GPHN: variants seen among roughly 807,000 people sequenced by gnomAD.
The protein encoded by GPHN is gephyrin.
GPHN carries 17 observed loss-of-function variants against 95.5 expected under a neutral mutation model. The ratio of observed to expected loss-of-function variants is 0.18; its 90% CI spans 0.12 to 0.27. The LOEUF (loss-of-function observed/expected upper bound fraction) is 0.27. Ranked by LOEUF, GPHN falls within the 10% of genes least tolerant of loss-of-function variation. GPHN has a pLI of 1.00. For missense variants in GPHN, 660 were observed against 978.1 expected (o/e 0.67, Z 4.34); for synonymous variants, 320 against 322.5 (o/e 0.99, Z 0.08).
At chr14:66,783,561 A>T (rs1350175554) in intron 3 of GPHN, among the ~76,000 whole-genome samples, 1 of 152,140 alleles carries the variant, frequency 6.6e-6, no homozygotes, top group African/African-American at 2.4e-5. Context: ...TTCCCACGTA[A>T]GTGAGGCCTG....
chr14:67,650,326 T>C, the GPHN span: 1 of 248,822 alleles, frequency 4.0e-6, no homozygotes, highest in African/African-American at 2.3e-5. Flanking sequence ...ACTTGATTCA[T>C]TTCCAGGCAG....
At chr14:66,815,020 C>T (rs544694497) in intron 3 of GPHN, among the ~76,000 whole-genome samples, 1 of 152,062 alleles carries the variant, frequency 6.6e-6, no homozygotes, top group African/African-American at 2.4e-5. Flanking sequence ...AATGCAATCA[C>T]AATTATTAAT....
At chr14:66,760,749 A>G (rs2058726130) in intron 2 of GPHN, 4 of 462,488 alleles carry the variant, frequency 8.6e-6, no homozygotes, top group South Asian at 5.2e-5. Context: ...GAATTTGAAA[A>G]ACATAGAAAT....
At chr14:66,803,405 A>G (rs12587989) in intron 3 of GPHN, among the ~76,000 whole-genome samples, 42,788 of 152,072 alleles carry the variant, frequency 0.28, 11,729 homozygotes, top group African/African-American at 0.69. Context: ...CCTGAGTTTG[A>G]GTTTTACGAA....
At chr14:66,722,129 A>G (rs541983328) in intron 2 of GPHN, among the ~76,000 whole-genome samples, 1 of 152,174 alleles carries the variant, frequency 6.6e-6, no homozygotes, top group Admixed American at 6.5e-5. Flanking sequence ...TTTTATAAGC[A>G]CATATAGAAG....
chr14:66,561,345 A>T (rs1395531075), intron 1 of GPHN, among the ~76,000 whole-genome samples: 3 of 152,182 alleles, frequency 2.0e-5, no homozygotes, highest in Non-Finnish European at 4.4e-5. Context: ...CCTCTGGTAG[A>T]ATTCGGCTGA....
At chr14:66,529,232 T>C (rs1349975804) in intron 1 of GPHN, among the ~76,000 whole-genome samples, 1 of 152,016 alleles carries the variant, frequency 6.6e-6, no homozygotes, top group Non-Finnish European at 1.5e-5. Flanking sequence ...ATCTCTGATA[T>C]CATTTCTTCT....
At chr14:67,307,172 C>A in the GPHN span, among the ~76,000 whole-genome samples, 1 of 152,122 alleles carries the variant, frequency 6.6e-6, no homozygotes, top group African/African-American at 2.4e-5. Context: ...TATTTCACTT[C>A]CTGAGTAACT....
chr14:67,000,304 A>G (rs549167085), intron 9 of GPHN, among the ~76,000 whole-genome samples: 10 of 151,916 alleles, frequency 6.6e-5, no homozygotes, highest in Non-Finnish European at 8.9e-5. Context: ...AAAAAGGAAG[A>G]GAAGAAAGGT....
intron 5 of GPHN, among the ~76,000 whole-genome samples, chr14:66,913,130 C>T (rs1219083337): frequency 6.6e-6 from 1 of 152,046 alleles, no homozygotes; most frequent in Non-Finnish European, 1.5e-5. Flanking sequence ...TGTTTCTGGT[C>T]CAGAGACCAC....
intron 1 of GPHN, 97 bp from the exon 2 acceptor site, chr14:66,681,010 A>C: frequency 1.4e-6 from 1 of 711,140 alleles, no homozygotes; most frequent in Non-Finnish European, 2.4e-6. Context: ...AAAAAAAAAA[A>C]GCTATTTTTC....
At chr14:67,225,052 C>A in the GPHN span, 1 of 1,324,534 alleles carries the variant, frequency 7.5e-7, no homozygotes, top group Non-Finnish European at 1.0e-6. Context: ...GGCTTTTTTT[C>A]TTTCTCACTT....
At chr14:67,215,496 A>C in the GPHN span, among the ~76,000 whole-genome samples, 2 of 142,864 alleles carry the variant, frequency 1.4e-5, no homozygotes, top group African/African-American at 2.9e-5. Flanking sequence ...GTTAGAAGAG[A>C]AAGTACAAAG....
intron 3 of GPHN, among the ~76,000 whole-genome samples, chr14:66,821,869 A>G (rs573562392): frequency 1.1e-4 from 16 of 152,354 alleles, no homozygotes; most frequent in African/African-American, 3.6e-4. Flanking sequence ...TTCAAGTGAA[A>G]GAAATCTATA....
intron 1 of GPHN, among the ~76,000 whole-genome samples, chr14:66,599,231 A>G (rs912518642): frequency 6.6e-6 from 1 of 152,128 alleles, no homozygotes; most frequent in South Asian, 2.1e-4. Flanking sequence ...GGAAACACGC[A>G]TTTTTGGAGA....
At chr14:67,379,818 C>T in the GPHN span, among the ~76,000 whole-genome samples, 1 of 151,020 alleles carries the variant, frequency 6.6e-6, no homozygotes, top group Non-Finnish European at 1.5e-5. Context: ...CTACGCCCGG[C>T]TAATTTTTTG....
chr14:67,003,195 C>G (rs1040860080), intron 9 of GPHN, among the ~76,000 whole-genome samples: 25 of 151,708 alleles, frequency 1.6e-4, no homozygotes, highest in Admixed American at 1.6e-3. Flanking sequence ...TTTTTATTAT[C>G]AGTAGTATAT....
chr14:66,760,710 G>A, intron 2 of GPHN: 1 of 451,422 alleles, frequency 2.2e-6, no homozygotes, highest in Non-Finnish European at 4.2e-6. Context: ...AAAGCAGCTG[G>A]CAAAGCACTT....
At chr14:67,665,772 G>C in the GPHN span, among the ~76,000 whole-genome samples, 2 of 152,042 alleles carry the variant, frequency 1.3e-5, no homozygotes, top group African/African-American at 4.8e-5. Flanking sequence ...CTCATTCATT[G>C]TTGTGTGCCA....
Sources: gnomAD v4.1 joint callset for allele counts (sites outside exome capture counted in the v4.1 genomes callset) on GRCh38, gnomAD v4.1.1 for gene constraint, MANE v1.5 for transcripts, NCBI Gene and HGNC (gene_info 2026-07-23, HGNC 2026-07-21) for gene names.